Variants in TMEM132D observed in about 807,000 individuals in gnomAD.
TMEM132D encodes the protein mature OL transmembrane protein.
Under a neutral mutation model 62.3 loss-of-function variants are expected in TMEM132D, and 21 were observed. The observed-to-expected ratio is 0.34, with a 90% CI of 0.24 to 0.49. The LOEUF (loss-of-function observed/expected upper bound fraction) is 0.49, where lower values mean the gene tolerates loss of function less well. TMEM132D is among the 20% of genes least tolerant of loss of function. The pLI is 0.99. For synonymous variants in TMEM132D, 621 were observed against 575.6 expected (o/e 1.08, Z -1.13); for missense variants, 1,346 against 1,402.8 (o/e 0.96, Z 0.65).
chr12:129,257,749 C>T (rs1258963809), intron 4 of TMEM132D, among the ~76,000 whole-genome samples: 2 of 152,078 alleles, frequency 1.3e-5, no homozygotes, highest in East Asian at 3.9e-4. Context: ...AATGCCACTG[C>T]AGTGAATGTA....
Position 129,088,467 on chromosome 12 carries a change from G to C in TMEM132D, c.1444-3765C>G, listed in dbSNP as rs1433897090. On this transcript the variant is annotated intron_variant, in intron 5 of 8. Transcript: ENST00000422113. ...CCATGACCGGGTGTCCTCCATGACC[G>C]GGGTGTCCTCCATGACCGGGTGTCC... Among the ~76,000 whole-genome samples, 7 of 42,842 alleles carry C rather than the reference G, an allele frequency of 1.6e-4. 1 individual carries two copies. Among genetic ancestry groups the C allele is most frequent in the Non-Finnish European group, 2.7e-4 (7 of 25,744 alleles). 28.1% of individuals were successfully genotyped at this position (42,842 alleles called of 152,430 possible). A position where few individuals can be genotyped will look rare whatever the true frequency, so the allele number is the denominator to read the frequency against.
chr12:129,128,402 A>T (rs1266828920), intron 5 of TMEM132D, among the ~76,000 whole-genome samples: 2 of 152,106 alleles, frequency 1.3e-5, no homozygotes, highest in Admixed American at 6.5e-5. Flanking sequence ...GGTGAAGAGG[A>T]AGCAAGGTGG....
chr12:129,529,962 A>G (rs1035425894), intron 3 of TMEM132D, among the ~76,000 whole-genome samples: 14 of 152,350 alleles, frequency 9.2e-5, no homozygotes, highest in African/African-American at 3.4e-4. Flanking sequence ...CACTACATAC[A>G]TATCTAGGAC....
intron 3 of TMEM132D, among the ~76,000 whole-genome samples, chr12:129,413,253 A>G (rs914767456): frequency 6.6e-6 from 1 of 152,114 alleles, no homozygotes; most frequent in African/African-American, 2.4e-5. Context: ...CCCCCATACT[A>G]TTCTTGTGGT....
At chr12:129,188,995 G>T (rs1593290131) in intron 5 of TMEM132D, among the ~76,000 whole-genome samples, 1 of 152,132 alleles carries the variant, frequency 6.6e-6, no homozygotes, top group South Asian at 2.1e-4. Flanking sequence ...AGTGCCATTT[G>T]GTTACAACAG....
At chr12:129,134,411 C>T (rs535136490) in intron 5 of TMEM132D, among the ~76,000 whole-genome samples, 1 of 152,200 alleles carries the variant, frequency 6.6e-6, no homozygotes, top group African/African-American at 2.4e-5. Context: ...ATTGTTGTCC[C>T]CTGCTCACTT....
chr12:129,627,570 CCTT>C (rs1227724116), intron 2 of TMEM132D, among the ~76,000 whole-genome samples: 1 of 152,076 alleles, frequency 6.6e-6, no homozygotes, highest in Non-Finnish European at 1.5e-5. Context: ...AAACCAGAAA[CCTT>C]TTTTTTAGAG....
At chr12:129,881,137 T>C (rs933073836) in intron 1 of TMEM132D, among the ~76,000 whole-genome samples, 3 of 151,746 alleles carry the variant, frequency 2.0e-5, no homozygotes, top group Admixed American at 6.6e-5. Context: ...TATAAAGGAG[T>C]TGATACACTT....
At chr12:129,154,766 AG>A (rs1266763582) in intron 5 of TMEM132D, among the ~76,000 whole-genome samples, 3 of 152,272 alleles carry the variant, frequency 2.0e-5, no homozygotes, top group African/African-American at 7.2e-5. Context: ...CTGACTCCTT[AG>A]AGATGGCAGC....
chr12:129,086,201 C>CGCGCGCGTGTGT (rs1349816832), intron 5 of TMEM132D, among the ~76,000 whole-genome samples: 54 of 141,132 alleles, frequency 3.8e-4, no homozygotes, highest in African/African-American at 1.2e-3. Flanking sequence ...CACGCGCGCG[C>CGCGCGCGTGTGT]GTGTGTGTGT....
chr12:129,695,094 T>A (rs11608839), intron 2 of TMEM132D, among the ~76,000 whole-genome samples: 2 of 152,154 alleles, frequency 1.3e-5, no homozygotes, highest in Non-Finnish European at 2.9e-5. Context: ...TTCTGGGAGC[T>A]GCCTGATTCA....
intron 5 of TMEM132D, among the ~76,000 whole-genome samples, chr12:129,171,612 CT>C (rs1484852679): frequency 1.3e-5 from 2 of 152,148 alleles, no homozygotes; most frequent in Non-Finnish European, 2.9e-5. Context: ...TTACTTTTTG[CT>C]TTGTAGGCTG....
At chr12:129,626,604 C>T (rs1359636493) in intron 2 of TMEM132D, among the ~76,000 whole-genome samples, 1 of 152,014 alleles carries the variant, frequency 6.6e-6, no homozygotes, top group African/African-American at 2.4e-5. Flanking sequence ...ATTACAGGCA[C>T]CTGCCACCAT....
intron 3 of TMEM132D, among the ~76,000 whole-genome samples, chr12:129,448,005 G>A (rs147386415): frequency 5.9e-5 from 9 of 152,268 alleles, no homozygotes; most frequent in East Asian, 5.8e-4. Context: ...AAATGAGATC[G>A]TCTGTGGCGT....
intron 3 of TMEM132D, among the ~76,000 whole-genome samples, chr12:129,391,573 C>A (rs533873509): frequency 1.3e-5 from 2 of 152,186 alleles, no homozygotes; most frequent in African/African-American, 4.8e-5. Context: ...TTTCTCCCCC[C>A]GCCCTGTGGA....
intron 1 of TMEM132D, among the ~76,000 whole-genome samples, chr12:129,875,942 A>G (rs1031543959): frequency 6.6e-6 from 1 of 152,114 alleles, no homozygotes; most frequent in Non-Finnish European, 1.5e-5. Flanking sequence ...GAGATTTCCA[A>G]TTTAATCAAC....
intron 5 of TMEM132D, among the ~76,000 whole-genome samples, chr12:129,137,147 G>A (rs558547741): frequency 0.015 from 434 of 29,360 alleles, 10 homozygotes; most frequent in East Asian, 0.11. Context: ...CACTATCATT[G>A]TCATCACTAT....
chr12:129,245,855 A>G (rs1880088139), intron 4 of TMEM132D, among the ~76,000 whole-genome samples: 1 of 152,254 alleles, frequency 6.6e-6, no homozygotes, highest in Admixed American at 6.5e-5. Flanking sequence ...TAAAAGAAAC[A>G]GAGTTAGTCG....
chr12:129,559,444 G>A (rs1383114520), intron 2 of TMEM132D, among the ~76,000 whole-genome samples: 1 of 152,204 alleles, frequency 6.6e-6, no homozygotes, highest in Non-Finnish European at 1.5e-5. Flanking sequence ...AGGTCTCGTA[G>A]ATGAACAATC....
Sources: allele counts gnomAD v4.1 joint callset (sites outside exome capture counted in the v4.1 genomes callset), GRCh38; gene constraint gnomAD v4.1.1; transcripts MANE v1.5; gene names NCBI Gene and HGNC (gene_info 2026-07-23, HGNC 2026-07-21).